PTCHD4: variants seen among roughly 807,000 people sequenced by gnomAD.
The protein encoded by PTCHD4 is patched domain-containing protein 4.
A neutral mutation model predicts 58.1 loss-of-function variants in PTCHD4; 33 were observed. The ratio of observed to expected loss-of-function variants is 0.57; its 90% CI spans 0.43 to 0.76. The LOEUF (loss-of-function observed/expected upper bound fraction) is 0.76. PTCHD4 is among the 30% of genes least tolerant of loss of function. The probability of loss-of-function intolerance (pLI) is 0.00; values close to 1 mark genes in which losing one functional copy is unlikely to be tolerated. For missense variants in PTCHD4, 1,058 were observed against 1,027.1 expected (o/e 1.03, Z -0.41); for synonymous variants, 478 against 409.6 (o/e 1.17, Z -2.02).
chr6:47,925,693 T>C (rs1433365981), intron 4 of PTCHD4, among the ~76,000 whole-genome samples: 1 of 152,232 alleles, frequency 6.6e-6, no homozygotes, highest in Non-Finnish European at 1.5e-5. Flanking sequence ...GTGACTTTCT[T>C]TGTTGGCTTG....
At chr6:48,014,984 G>A (rs1033805439) in intron 3 of PTCHD4, among the ~76,000 whole-genome samples, 4 of 152,024 alleles carry the variant, frequency 2.6e-5, no homozygotes, top group African/African-American at 4.8e-5. Context: ...TTCCAATGTC[G>A]TCCTCTCCAC....
At chr6:47,974,742 T>C (rs934658879) in intron 4 of PTCHD4, among the ~76,000 whole-genome samples, 1 of 152,230 alleles carries the variant, frequency 6.6e-6, no homozygotes, top group Non-Finnish European at 1.5e-5. Context: ...TGATTTTCAT[T>C]CTTAATTGTG....
chr6:48,020,841 T>C (rs1043552547), intron 3 of PTCHD4, among the ~76,000 whole-genome samples: 1 of 152,098 alleles, frequency 6.6e-6, no homozygotes, highest in South Asian at 2.1e-4. Context: ...TCAAGGGAAA[T>C]ACATTGGCTT....
intron 4 of PTCHD4, among the ~76,000 whole-genome samples, chr6:47,989,756 G>A (rs187266317): frequency 6.6e-6 from 1 of 152,312 alleles, no homozygotes; most frequent in Non-Finnish European, 1.5e-5. Flanking sequence ...CAGGGGCGAG[G>A]CCCTCATGGA....
intron 4 of PTCHD4, among the ~76,000 whole-genome samples, chr6:47,951,419 T>C (rs1219956631): frequency 6.6e-6 from 1 of 152,180 alleles, no homozygotes; most frequent in Non-Finnish European, 1.5e-5. Context: ...GGAGGATGTG[T>C]GACTAGTGCT....
At chr6:48,098,347 T>C (rs867033772) in intron 1 of PTCHD4, among the ~76,000 whole-genome samples, 1,686 of 148,114 alleles carry the variant, frequency 0.011, 25 homozygotes, top group African/African-American at 0.036. Context: ...TTCTTCTTTT[T>C]TTTTTTTTTG....
chr6:47,865,279 T>C lies in PTCHD4; in HGVS notation c.*13024A>G, dbSNP rs1763532951. Among the ~76,000 whole-genome samples the C allele has an allele frequency of 6.6e-6, 1 of 151,936 alleles. No homozygotes were observed. The highest frequency in any genetic ancestry group is 2.4e-5 in the African/African-American group (1 of 41,404). On this transcript the variant is annotated 3_prime_UTR_variant, in exon 5 of 5. Coordinates refer to ENST00000339488, the MANE Select transcript of PTCHD4 (RefSeq NM_001384253.1). ...TTCTTCCTCTTTGACTCATCTTTTA[T>C]TTACTGAATTTAATTAATGCAATAT...
intron 3 of PTCHD4, among the ~76,000 whole-genome samples, chr6:48,015,686 T>G (rs2114099477): frequency 6.6e-6 from 1 of 152,110 alleles, no homozygotes; most frequent in South Asian, 2.1e-4. Context: ...ACCTTTTATC[T>G]TCTTCCTACA....
intron 4 of PTCHD4, among the ~76,000 whole-genome samples, chr6:47,980,307 T>G (rs1429905233): frequency 6.6e-6 from 1 of 152,134 alleles, no homozygotes; most frequent in East Asian, 1.9e-4. Context: ...TATGCTACAA[T>G]TTTTATTTAG....
At position 47,865,785 on chromosome 6, in the gene PTCHD4, CTAA is replaced by C. The variant is rs539053822; in HGVS notation, c.*12515_*12517del. ...AGATTAATACTTCTAAATTTTGAAT[CTAA>C]TAATAATAATAATAAAAAGTAATCT... On this transcript the variant is annotated 3_prime_UTR_variant, in exon 5 of 5. Transcript: ENST00000339488. 2.6e-5 allele frequency among the ~76,000 whole-genome samples: 4 copies of C among 151,492 alleles called. No individual in the cohort carries two copies. Among genetic ancestry groups the C allele is most frequent in the Non-Finnish European group, 4.4e-5 (3 of 67,794 alleles).
chr6:47,953,346 C>T (rs1043467508), intron 4 of PTCHD4, among the ~76,000 whole-genome samples: 2 of 152,080 alleles, frequency 1.3e-5, no homozygotes, highest in Admixed American at 6.6e-5. Flanking sequence ...TTTGAGAAAT[C>T]TACCTACATG....
intron 4 of PTCHD4, among the ~76,000 whole-genome samples, chr6:47,884,775 T>G (rs1011161333): frequency 6.6e-6 from 1 of 152,184 alleles, no homozygotes; most frequent in Non-Finnish European, 1.5e-5. Flanking sequence ...TAGGGCTGTA[T>G]GCTGTGTACC....
At chr6:47,986,088 C>T (rs1398754030) in intron 4 of PTCHD4, among the ~76,000 whole-genome samples, 2 of 152,068 alleles carry the variant, frequency 1.3e-5, no homozygotes, top group African/African-American at 4.8e-5. Flanking sequence ...AGTATGACCC[C>T]TGTTTGTAGA....
intron 4 of PTCHD4, chr6:47,901,319 AT>A: frequency 2.1e-6 from 1 of 467,900 alleles, no homozygotes; most frequent in South Asian, 9.2e-5. Flanking sequence ...CTTCCTTGTG[AT>A]GTTTTTGTCT....
intron 3 of PTCHD4, among the ~76,000 whole-genome samples, chr6:48,034,432 G>A (rs2114139014): frequency 6.6e-6 from 1 of 152,196 alleles, no homozygotes. Context: ...GGAATTAGAA[G>A]TAGGGGCTAG....
chr6:48,037,574 T>G (rs1192672939), intron 3 of PTCHD4, among the ~76,000 whole-genome samples: 2 of 152,172 alleles, frequency 1.3e-5, no homozygotes, highest in African/African-American at 4.8e-5. Context: ...AGACATGCAC[T>G]GTGAACTTCA....
At position 47,982,481 on chromosome 6, in the gene PTCHD4, CTT is replaced by C. The variant is rs375869071; in HGVS notation, c.898+26151_898+26152del. ...TCACACTAGTCTGTTTTATCTCTCT[CTT>C]TTTTTTTTTTTTTTTTGTTTTTTGA... On this transcript the variant is annotated intron_variant, in intron 4 of 4. Transcript: ENST00000339488. Among the ~76,000 whole-genome samples the C allele has an allele frequency of 2.7e-4, 35 of 130,776 alleles. No homozygotes were observed. In the South Asian group the frequency reaches 4.8e-3, roughly 18 times the overall value. The allele number at this position is 130,776 out of a possible 152,430, so 85.8% of individuals were successfully genotyped here. A position where few individuals can be genotyped will look rare whatever the true frequency, so the allele number is the denominator to read the frequency against.
intron 1 of PTCHD4, among the ~76,000 whole-genome samples, chr6:48,087,966 T>G (rs1582126986): frequency 1.3e-5 from 2 of 152,294 alleles, no homozygotes; most frequent in South Asian, 4.1e-4. Context: ...AACTTATCAG[T>G]AAGAATATTA....
intron 4 of PTCHD4, among the ~76,000 whole-genome samples, chr6:47,898,839 A>G (rs1764607977): frequency 6.6e-6 from 1 of 152,158 alleles, no homozygotes; most frequent in African/African-American, 2.4e-5. Flanking sequence ...AGAAGAAAAG[A>G]GAGAAGAAGA....
Sources: gnomAD v4.1 joint callset for allele counts (sites outside exome capture counted in the v4.1 genomes callset) on GRCh38, gnomAD v4.1.1 for gene constraint, MANE v1.5 for transcripts, NCBI Gene and HGNC (gene_info 2026-07-23, HGNC 2026-07-21) for gene names.